AGO3: variants seen among roughly 807,000 people sequenced by gnomAD.
AGO3 encodes the protein argonaute RISC catalytic component 3, also known as protein argonaute-3.
AGO3 carries 16 observed loss-of-function variants against 105.5 expected under a neutral mutation model. That is an observed-to-expected ratio of 0.15 (90% CI 0.10 to 0.23). AGO3 has a LOEUF of 0.23. Among genes scored for constraint, AGO3 ranks in the 10% least tolerant of loss-of-function variants. The pLI is 1.00. For synonymous variants in AGO3, 340 were observed against 367.3 expected (o/e 0.93, Z 0.85); for missense variants, 534 against 1,088.0 (o/e 0.49, Z 7.16).
chr1:35,935,197 T>A (rs2148738468), intron 1 of AGO3, among the ~76,000 whole-genome samples: 1 of 152,322 alleles, frequency 6.6e-6, no homozygotes, highest in African/African-American at 2.4e-5. Flanking sequence ...TTAGAATTTC[T>A]CTTTCAATGA....
intron 5 of AGO3, among the ~76,000 whole-genome samples, chr1:35,982,182 C>CT (rs759768272): frequency 1.3e-5 from 2 of 152,108 alleles, no homozygotes; most frequent in Non-Finnish European, 2.9e-5. Flanking sequence ...AATCCTAGCA[C>CT]TTTGGGAGGC....
intron 14 of AGO3, among the ~76,000 whole-genome samples, chr1:36,037,295 G>C (rs1642053793): frequency 6.6e-6 from 1 of 152,196 alleles, no homozygotes. Context: ...TGAGGCGGGG[G>C]TGGATCGCTT....
At chr1:36,044,252 G>A (rs1642368411) in intron 17 of AGO3, among the ~76,000 whole-genome samples, 1 of 152,130 alleles carries the variant, frequency 6.6e-6, no homozygotes, top group Non-Finnish European at 1.5e-5. Flanking sequence ...GGCTGTCGTG[G>A]GAGGATCACT....
chr1:35,994,575 A>G (rs1648085933), intron 5 of AGO3, among the ~76,000 whole-genome samples: 1 of 138,388 alleles, frequency 7.2e-6, no homozygotes, highest in Admixed American at 7.4e-5. Flanking sequence ...TAATTTGTAA[A>G]GGAAGAAATA....
upstream of AGO3, chr1:35,930,756 G>A (rs1557635510): frequency 6.4e-6 from 1 of 156,298 alleles, no homozygotes; most frequent in Non-Finnish European, 1.4e-5. Flanking sequence ...GCTCGGCTCG[G>A]GGCCTCCGCG....
rs1279146819 is a variant in AGO3 at position 36,062,321 on chromosome 1, C to T, written c.*6576C>T. ...GGGATTACAGGCATGCACCACCACA[C>T]CCGGCCCTAATTAGTCATTATTAAG... On this transcript the variant is annotated 3_prime_UTR_variant, in exon 19 of 19. Transcript: ENST00000373191. 1 of 152,096 alleles carries T rather than the reference C, an allele frequency of 6.6e-6. No individual in the cohort carries two copies. Among genetic ancestry groups the T allele is most frequent in the Non-Finnish European group, 1.5e-5 (1 of 68,030 alleles). The allele number at this position is 152,096 out of a possible 1,614,324, so 9.4% of individuals were successfully genotyped here. A position where few individuals can be genotyped will look rare whatever the true frequency, so the allele number is the denominator to read the frequency against.
At chr1:35,988,788 T>C (rs1172266092) in intron 5 of AGO3, among the ~76,000 whole-genome samples, 1 of 152,186 alleles carries the variant, frequency 6.6e-6, no homozygotes, top group Non-Finnish European at 1.5e-5. Context: ...ACTTTGCATG[T>C]AGTCCCTGAA....
chr1:35,988,405 A>T (rs1647313489), intron 5 of AGO3, among the ~76,000 whole-genome samples: 1 of 152,148 alleles, frequency 6.6e-6, no homozygotes, highest in Non-Finnish European at 1.5e-5. Flanking sequence ...CTTATAACTG[A>T]AAGTTTCTAT....
At chr1:35,990,246 C>T (rs373915484) in intron 5 of AGO3, among the ~76,000 whole-genome samples, 1 of 152,292 alleles carries the variant, frequency 6.6e-6, no homozygotes, top group Admixed American at 6.5e-5. Context: ...CGGTGGCTCA[C>T]GCCTGTAATC....
intron 11 of AGO3, among the ~76,000 whole-genome samples, chr1:36,015,677 A>G (rs1029187180): frequency 1.3e-5 from 2 of 152,322 alleles, no homozygotes; most frequent in Admixed American, 1.3e-4. Context: ...ACAAATGCAT[A>G]TTTCACAATA....
chr1:35,971,300 C>T (rs2148774027), intron 3 of AGO3, among the ~76,000 whole-genome samples: 1 of 151,002 alleles, frequency 6.6e-6, no homozygotes, highest in African/African-American at 2.4e-5. Context: ...GCTGGGATTA[C>T]AGGCATGCAC....
chr1:36,003,709 A>AAATATATAT (rs1295618675), intron 5 of AGO3, among the ~76,000 whole-genome samples: 16 of 99,434 alleles, frequency 1.6e-4, no homozygotes, highest in African/African-American at 5.7e-4. Context: ...AAAAAAAAAA[A>AAATATATAT]ATATATATAT....
intron 9 of AGO3, among the ~76,000 whole-genome samples, chr1:36,010,712 A>G (rs1640566337): frequency 6.6e-6 from 1 of 151,988 alleles, no homozygotes; most frequent in South Asian, 2.1e-4. Flanking sequence ...GTTCAAGACC[A>G]GCCTACCAAC....
intron 2 of AGO3, among the ~76,000 whole-genome samples, chr1:35,951,847 G>C (rs1646475216): frequency 6.6e-6 from 1 of 151,982 alleles, no homozygotes. Flanking sequence ...ATGCCAAGAG[G>C]GGGCATATTT....
chr1:35,997,707 GTTTA>G lies in AGO3; in HGVS notation c.659-6630_659-6627del, dbSNP rs368092601. Among the ~76,000 whole-genome samples, 1,217 of 152,116 alleles carry G rather than the reference GTTTA, an allele frequency of 8.0e-3. 8 individuals are homozygous for G. Among genetic ancestry groups the G allele is most frequent in the Middle Eastern group, 0.017 (5 of 294 alleles). On this transcript the variant is annotated intron_variant, in intron 5 of 18. Coordinates refer to ENST00000373191, the MANE Select transcript of AGO3 (RefSeq NM_024852.4). ...TCAAGGAGCATCTGTATTCTCTGGG[GTTTA>G]TTTGAGACGTAGTCTCCATCTGTTG...
Position 35,987,698 on chromosome 1 carries a change from A to G in AGO3, c.658+14187A>G, listed in dbSNP as rs538284468. ...GAGATAGACCAAAAAAATTTAAGAA[A>G]AATGTGAGAGTATGTTTATGTGAGC... On this transcript the variant is annotated intron_variant, in intron 5 of 18. Transcript: ENST00000373191. Among the ~76,000 whole-genome samples the G allele has an allele frequency of 2.4e-4, 37 of 152,000 alleles. 1 individual carries two copies. The highest frequency in any genetic ancestry group is 8.4e-4 in the African/African-American group (35 of 41,494).
chr1:35,985,307 A>G (rs535802185), intron 5 of AGO3, among the ~76,000 whole-genome samples: 9 of 152,306 alleles, frequency 5.9e-5, no homozygotes, highest in African/African-American at 1.7e-4. Context: ...TAAAATTCCA[A>G]TAGGGTATAG....
At chr1:36,012,344 A>G (rs1018568427) in intron 9 of AGO3, among the ~76,000 whole-genome samples, 6 of 151,904 alleles carry the variant, frequency 3.9e-5, no homozygotes, top group Non-Finnish European at 8.8e-5. Context: ...AAAGAAAAGA[A>G]AAGGAAAAAG....
intron 15 of AGO3, 146 bp downstream of exon 15, chr1:36,040,130 A>G (rs901520879): frequency 4.3e-6 from 5 of 1,173,220 alleles, no homozygotes; most frequent in Non-Finnish European, 5.9e-6. Context: ...GAAAATGTTC[A>G]CTACGAATGT....
Sources: allele counts gnomAD v4.1 joint callset (sites outside exome capture counted in the v4.1 genomes callset), GRCh38; gene constraint gnomAD v4.1.1; transcripts MANE v1.5; gene names NCBI Gene and HGNC (gene_info 2026-07-23, HGNC 2026-07-21).